MYT1: variants seen among roughly 807,000 people sequenced by gnomAD.
The protein encoded by MYT1 is myelin transcription factor I.
A neutral mutation model predicts 123.0 loss-of-function variants in MYT1; 23 were observed. That is an observed-to-expected ratio of 0.19 (90% CI 0.13 to 0.26). The LOEUF (loss-of-function observed/expected upper bound fraction) is 0.26, where lower values mean the gene tolerates loss of function less well. Among genes scored for constraint, MYT1 ranks in the 10% least tolerant of loss-of-function variants. The pLI, the probability that MYT1 is intolerant of heterozygous loss-of-function variation, is 1.00. For missense variants in MYT1, 1,125 were observed against 1,472.5 expected, an observed-to-expected ratio of 0.76 and a Z score of 3.86; for synonymous variants, 518 against 575.3, an observed-to-expected ratio of 0.90 and a Z score of 1.43.
At chr20:64,198,735 T>C in intron 2 of MYT1, 127 bp from the exon 3 acceptor site, 1 of 983,262 alleles carries the variant, frequency 1.0e-6, no homozygotes, top group Non-Finnish European at 1.6e-6. Flanking sequence ...ATCCTTGTCA[T>C]TCTGTGCCCA....
chr20:64,236,555 T>C lies in MYT1; in HGVS notation c.2898T>C (p.Ser966=), dbSNP rs769477176. The part of the protein sequence containing the change: ...HANGSFLTHR[S]LSGCPRATFA... Reference sequence around the variant, plus strand: ...AATGATATGTGGCCTCTGCTTCCAGTTTGTCAGGCTGTCCCAGAGCAACCT... The same window carrying C: ...AATGATATGTGGCCTCTGCTTCCAGCTTGTCAGGCTGTCCCAGAGCAACCT... The change falls in exon 20 of 23, where the codon AGT becomes AGC. Residue 966 remains serine (S), a splice_region_variant and synonymous_variant. Coordinates refer to ENST00000328439, the MANE Select transcript of MYT1 (RefSeq NM_004535.3). The C allele has an allele frequency of 4.3e-6, 7 of 1,613,194 alleles. No homozygotes were observed. The East Asian group carries it at 6.7e-5, about 15-fold the overall frequency.
chr20:64,225,189 C>G (rs1984131932), intron 16 of MYT1, among the ~76,000 whole-genome samples: 1 of 152,164 alleles, frequency 6.6e-6, no homozygotes, highest in African/African-American at 2.4e-5. Context: ...CGATGGTGGT[C>G]TCCCCCCGCC....
At chr20:64,199,170 T>C (rs1337589231) in intron 3 of MYT1, among the ~76,000 whole-genome samples, 1 of 152,034 alleles carries the variant, frequency 6.6e-6, no homozygotes. Flanking sequence ...GGAGTGGGAG[T>C]AGCAAGGCTC....
chr20:64,173,347 G>C (rs1456148420), intron 1 of MYT1, among the ~76,000 whole-genome samples: 1 of 152,096 alleles, frequency 6.6e-6, no homozygotes, highest in Non-Finnish European at 1.5e-5. Context: ...TGATAGAGTG[G>C]GTGTCTTTTG....
chr20:64,206,539 C>G (rs966441988), intron 6 of MYT1, among the ~76,000 whole-genome samples: 1 of 152,060 alleles, frequency 6.6e-6, no homozygotes, highest in Non-Finnish European at 1.5e-5. Flanking sequence ...AAGGTCCACT[C>G]CCCCCACCAT....
chr20:64,216,229 C>A (rs913022591), intron 10 of MYT1, among the ~76,000 whole-genome samples: 2 of 152,226 alleles, frequency 1.3e-5, no homozygotes, highest in Non-Finnish European at 2.9e-5. Flanking sequence ...CAGACAGGAA[C>A]AAAGAAAGCC....
chr20:64,215,671 A>G (rs1160825585), intron 10 of MYT1, among the ~76,000 whole-genome samples: 1 of 151,994 alleles, frequency 6.6e-6, no homozygotes, highest in East Asian at 1.9e-4. Flanking sequence ...TATAACCTCA[A>G]ACTCCTGGTC....
rs180771006 is a variant in MYT1, at chr20:64,227,676, G to T, written c.2591+199G>T. Reference sequence around the variant, plus strand: ...AAAAGACAAGGGGTCAGGGCTAGGGGCTCGTGGTAATGCTTCTCCTTCCCG... The same window carrying T: ...AAAAGACAAGGGGTCAGGGCTAGGGTCTCGTGGTAATGCTTCTCCTTCCCG... On this transcript the variant is annotated intron_variant, in intron 17 of 22. Coordinates refer to ENST00000328439, the MANE Select transcript of MYT1 (RefSeq NM_004535.3). Among the ~76,000 whole-genome samples, 3 of 152,330 alleles carry T rather than the reference G, an allele frequency of 2.0e-5. No individual in the cohort carries two copies. The East Asian group carries it at 5.8e-4, about 29-fold the overall frequency.
In MYT1 at chr20:64,227,556, C is replaced by G. The variant is rs1471378612; in HGVS notation, c.2591+79C>G. ...TTCCTTATATGAAGATTAGAAGACA[C>G]TAATGTTGCTGACAGCTAGAGTCCA... On this transcript the variant is annotated intron_variant, in intron 17 of 22. Coordinates refer to ENST00000328439, the MANE Select transcript of MYT1 (RefSeq NM_004535.3). 1.0e-5 allele frequency: 13 copies of G among 1,296,616 alleles called. No homozygotes were observed. In the Admixed American group the frequency reaches 2.3e-4, roughly 23 times the overall value. The allele number at this position is 1,296,616 out of a possible 1,614,324, so 80.3% of individuals were successfully genotyped here.
In MYT1 at chr20:64,208,755, C is replaced by T. The variant is rs1983577669; in HGVS notation, c.1291+268C>T. Among the ~76,000 whole-genome samples, 1 of 152,156 alleles carries T rather than the reference C, an allele frequency of 6.6e-6. No homozygotes were observed. Among genetic ancestry groups the T allele is most frequent in the African/African-American group, 2.4e-5 (1 of 41,434 alleles). ...GAGAGGAGGTGGGAGGGACAGTGAC[C>T]CACCCACAGTGACTGGTCACAGCAG... On this transcript the variant is annotated intron_variant, in intron 7 of 22. Transcript: ENST00000328439. The surrounding 1 kb of genome is among the most constrained non-coding windows in gnomAD (Gnocchi z 5.4).
At chr20:64,233,107 T>G in intron 19 of MYT1, among the ~76,000 whole-genome samples, 2 of 92,194 alleles carry the variant, frequency 2.2e-5, no homozygotes, top group African/African-American at 4.3e-5. Context: ...CCTCCCCTTC[T>G]TCCCTCCTCC....
rs1568708249 is a variant in MYT1 at position 64,202,035 on chromosome 20, C to CGCGTGTCGGGAACCCCT, written c.86+2127_86+2128insCCTGCGTGTCGGGAACC. On this transcript the variant is annotated intron_variant, in intron 4 of 22. Transcript: ENST00000328439. The surrounding 1 kb of genome is among the most constrained non-coding windows in gnomAD (Gnocchi z 5.0). ...GAACCCCTCGCGTGTCGGGAACCCCCGCGTGTCGGGAACCTCTGCGTGTCG... is the reference window on the plus strand; with the variant it reads ...GAACCCCTCGCGTGTCGGGAACCCCCGCGTGTCGGGAACCCCTGCGTGTCGGGAACCTCTGCGTGTCG... Among the ~76,000 whole-genome samples the CGCGTGTCGGGAACCCCT allele has an allele frequency of 1.6e-5, 2 of 121,268 alleles. No individual in the cohort carries two copies. The highest frequency in any genetic ancestry group is 2.8e-5 in the African/African-American group (1 of 35,952). The allele number at this position is 121,268 out of a possible 152,430, so 79.6% of individuals were successfully genotyped here.
At chr20:64,227,346 G>A (rs1349323420) in intron 16 of MYT1, 69 bp from the exon 17 acceptor site, 3 of 1,478,046 alleles carry the variant, frequency 2.0e-6, no homozygotes, top group Non-Finnish European at 2.8e-6. Flanking sequence ...TCCTCTGGGG[G>A]TCCCAGGGCT....
At position 64,208,536 on chromosome 20, in the gene MYT1, G is replaced by A. The variant is rs772904297; in HGVS notation, c.1291+49G>A. ...CCTGCAGACTCATCCTTTCACCCCTGCCCCAGGTGTGCAGATGCAGGCTGA... is the reference window on the plus strand; with the variant it reads ...CCTGCAGACTCATCCTTTCACCCCTACCCCAGGTGTGCAGATGCAGGCTGA... On this transcript the variant is annotated intron_variant, in intron 7 of 22. Coordinates refer to ENST00000328439, the MANE Select transcript of MYT1 (RefSeq NM_004535.3). This position sits in a 1 kb window ranked among gnomAD's most constrained non-coding sequence, Gnocchi z 5.4. The A allele has an allele frequency of 2.6e-6, 4 of 1,530,722 alleles. No homozygotes were observed. Among genetic ancestry groups the A allele is most frequent in the African/African-American group, 2.7e-5 (2 of 72,744 alleles). 94.8% of individuals were successfully genotyped at this position (1,530,722 alleles called of 1,614,324 possible).
At chr20:64,216,966 CT>C in intron 10 of MYT1, 100 bp from the exon 11 acceptor site, 2 of 1,104,932 alleles carry the variant, frequency 1.8e-6, no homozygotes, top group Non-Finnish European at 1.3e-6. Context: ...TCACCAGACG[CT>C]GTGAGGCCCC....
chr20:64,227,115 G>T (rs1348577171), intron 16 of MYT1, among the ~76,000 whole-genome samples: 1 of 152,238 alleles, frequency 6.6e-6, no homozygotes, highest in Non-Finnish European at 1.5e-5. Context: ...CCCAGGTTTG[G>T]TGTCTGGGTG....
At chr20:64,216,090 C>A (rs1190246990) in intron 10 of MYT1, among the ~76,000 whole-genome samples, 1 of 152,200 alleles carries the variant, frequency 6.6e-6, no homozygotes, top group Non-Finnish European at 1.5e-5. Context: ...TGGTGGTCCT[C>A]TGTGCTGGGC....
chr20:64,239,944 C>A (rs1298509236), intron 22 of MYT1, 41 bp downstream of exon 22: 1 of 1,602,378 alleles, frequency 6.2e-7, no homozygotes, highest in Non-Finnish European at 8.5e-7. Flanking sequence ...AGCTACCCCC[C>A]AGGGTCTCTT....
intron 6 of MYT1, among the ~76,000 whole-genome samples, chr20:64,207,012 T>C (rs1042867210): frequency 3.3e-5 from 5 of 152,140 alleles, no homozygotes; most frequent in African/African-American, 1.2e-4. Context: ...GTTCAAGGAA[T>C]AGCTGGGACT....
Sources: gnomAD v4.1 joint callset for allele counts (sites outside exome capture counted in the v4.1 genomes callset) on GRCh38, gnomAD v4.1.1 for gene constraint, Gnocchi (gnomAD v3.1) non-coding constraint, MANE v1.5 for transcripts, NCBI Gene and HGNC (gene_info 2026-07-23, HGNC 2026-07-21) for gene names.